Variants in GUSB observed in about 807,000 individuals in gnomAD.
GUSB encodes beta-glucuronidase.
A neutral mutation model predicts 74.6 loss-of-function variants in GUSB; 51 were observed. That is an observed-to-expected ratio of 0.68 (90% CI 0.55 to 0.86). The LOEUF (loss-of-function observed/expected upper bound fraction) is 0.86. Ranked by LOEUF, GUSB falls within the 40% of genes least tolerant of loss-of-function variation. The pLI, the probability that GUSB is intolerant of heterozygous loss-of-function variation, is 0.00. For missense variants in GUSB, 736 were observed against 853.7 expected (o/e 0.86, Z 1.72); for synonymous variants, 360 against 348.3 (o/e 1.03, Z -0.37).
intron 5 of GUSB, 123 bp from the exon 6 acceptor site, chr7:65,975,194 C>T: frequency 1.2e-6 from 1 of 835,742 alleles, no homozygotes; most frequent in Non-Finnish European, 2.0e-6. Flanking sequence ...AGCAGAGATG[C>T]AGCAATCAGA....
intron 4 of GUSB, among the ~76,000 whole-genome samples, chr7:65,978,497 G>A (rs970954940): frequency 2.0e-5 from 3 of 151,840 alleles, no homozygotes; most frequent in Non-Finnish European, 4.4e-5. Context: ...GCTGGGCACA[G>A]TGGCTCACGC....
chr7:65,961,010 GT>G lies in GUSB; in HGVS notation c.1842del (p.Gln614HisfsTer26). 3 of 1,612,792 alleles carry G rather than the reference GT, an allele frequency of 1.9e-6. No homozygotes were observed. Among genetic ancestry groups the G allele is most frequent in the Non-Finnish European group, 2.5e-6 (3 of 1,179,692 alleles). The stretch of plus-strand genomic sequence containing the variant: ...CGCAAAAGGAACGCTGCACTTTTTG[GT>G]TGTCTCTGCCGAGTGAAGATCCCCT... ...NKKGIFTRQR[Q>X]PKSAAFLLRE... On this transcript the variant is annotated frameshift_variant, in exon 12 of 12. Transcript: ENST00000304895. LOFTEE classifies it low-confidence loss of function (END_TRUNC).
intron 8 of GUSB, 104 bp downstream of exon 8, chr7:65,974,191 G>C: frequency 9.2e-7 from 1 of 1,081,654 alleles, no homozygotes; most frequent in East Asian, 2.4e-5. Flanking sequence ...CCTTCCCATT[G>C]GGCTGGACAC....
chr7:65,973,571 G>A (rs900025873), intron 8 of GUSB, among the ~76,000 whole-genome samples: 4 of 151,782 alleles, frequency 2.6e-5, no homozygotes, highest in Admixed American at 2.6e-4. Flanking sequence ...TGGCCACGGA[G>A]TGAGACTCCA....
rs150086524 is a variant in GUSB, at chr7:65,976,167, T to G, written c.760A>C (p.Asn254His). Reference sequence around the variant, plus strand: ...AGACGCACTTCCAACTTGAACAGGTTACTGCCCTTGACAGAGATCTGGTAA... The same window carrying G: ...AGACGCACTTCCAACTTGAACAGGTGACTGCCCTTGACAGAGATCTGGTAA... ...VNYQISVKGS[N>H]LFKLEVRLLD... Residue 254 changes from asparagine (N) to histidine (H), a missense_variant, in exon 5 of 12, where the codon AAC becomes CAC. Asn to His is a moderately conservative substitution (Grantham distance 68). Around this residue, in one of 2 missense-constraint regions of GUSB, gnomAD observed 368 missense variants for 363.8 expected, o/e 1.01. Transcript: ENST00000304895. 3.9e-5 allele frequency: 63 copies of G among 1,613,364 alleles called. No homozygotes were observed. The Middle Eastern group carries it at 6.6e-4, about 17-fold the overall frequency.
intron 1 of GUSB, among the ~76,000 whole-genome samples, chr7:65,981,631 G>A (rs1245987204): frequency 6.6e-6 from 1 of 151,756 alleles, no homozygotes. Context: ...TTAGGCTGGC[G>A]CCACTCCGCC....
intron 10 of GUSB, among the ~76,000 whole-genome samples, chr7:65,966,490 T>TA (rs992439816): frequency 2.6e-5 from 4 of 151,078 alleles, no homozygotes; most frequent in African/African-American, 9.7e-5. Context: ...AAAAATGAGA[T>TA]AGATTAAAAA....
rs772122474 is a variant in GUSB, at chr7:65,961,000, G to C, written c.1853C>G (p.Ala618Gly). The change falls in exon 12 of 12, where the codon GCA (alanine) becomes GGA (glycine). Residue 618 changes from alanine (A) to glycine (G), a missense_variant. Transcript: ENST00000304895. ...IFTRQRQPKS[A>G]AFLLRERYWK... ...GTATCTCTCTCGCAAAAGGAACGCT[G>C]CACTTTTTGGTTGTCTCTGCCGAGT... The C allele has an allele frequency of 6.2e-7, 1 of 1,613,230 alleles. No homozygotes were observed. Among genetic ancestry groups the C allele is most frequent in the South Asian group, 1.1e-5 (1 of 91,056 alleles).
chr7:65,977,684 C>A (rs1236735824), intron 4 of GUSB, among the ~76,000 whole-genome samples: 1 of 151,898 alleles, frequency 6.6e-6, no homozygotes, highest in African/African-American at 2.4e-5. Flanking sequence ...GCCACCACAC[C>A]CAGCCTAAAT....
At position 65,980,170 on chromosome 7, in the gene GUSB, C is replaced by T. The variant is rs572387740; in HGVS notation, c.396+54G>A. On this transcript the variant is annotated intron_variant, in intron 2 of 11. Coordinates refer to ENST00000304895, the MANE Select transcript of GUSB (RefSeq NM_000181.4). ...GTGGGTGGCAGCTGGAGGTCCCATG[C>T]TGTTCAGCAGCCGTGCCCCCCCACC... 33 of 1,455,644 alleles carry T rather than the reference C, an allele frequency of 2.3e-5. No individual in the cohort carries two copies. The East Asian group carries it at 8.1e-4, about 36-fold the overall frequency. 90.2% of individuals were successfully genotyped at this position (1,455,644 alleles called of 1,614,324 possible). A position where few individuals can be genotyped will look rare whatever the true frequency, so the allele number is the denominator to read the frequency against.
At chr7:65,968,402 C>T (rs527892449) in intron 9 of GUSB, among the ~76,000 whole-genome samples, 10 of 152,258 alleles carry the variant, frequency 6.6e-5, no homozygotes, top group Admixed American at 5.2e-4. Context: ...TCATGACGTG[C>T]GCCGCTGGGA....
At chr7:65,962,740 C>T (rs1055151581) in intron 11 of GUSB, among the ~76,000 whole-genome samples, 29 of 151,750 alleles carry the variant, frequency 1.9e-4, no homozygotes, top group African/African-American at 3.9e-4. Flanking sequence ...GGTGTGGTGG[C>T]GCATGCCTGC....
At chr7:65,979,291 A>G (rs1429348057) in intron 4 of GUSB, 108 bp downstream of exon 4, 10 of 1,069,714 alleles carry the variant, frequency 9.3e-6, no homozygotes, top group Non-Finnish European at 1.5e-5. Flanking sequence ...GGAATCTGTG[A>G]GGGTGTAGAG....
chr7:65,974,247 C>T (rs1393242124), intron 8 of GUSB, 48 bp downstream of exon 8: 3 of 1,604,482 alleles, frequency 1.9e-6, no homozygotes, highest in Non-Finnish European at 2.6e-6. Flanking sequence ...CAGCCACCTG[C>T]CAGGGTCTCC....
intron 4 of GUSB, among the ~76,000 whole-genome samples, chr7:65,978,830 T>A (rs1175818637): frequency 6.6e-6 from 1 of 151,298 alleles, no homozygotes; most frequent in African/African-American, 2.4e-5. Context: ...CAGACCAGAG[T>A]GCAGTGGTGT....
rs761874655 is a variant in GUSB at position 65,964,472 on chromosome 7, C to T, written c.1654-14G>A. 2 of 1,610,018 alleles carry T rather than the reference C, an allele frequency of 1.2e-6. No homozygotes were observed. The highest frequency in any genetic ancestry group is 1.1e-5 in the South Asian group (1 of 90,936). On this transcript the variant is annotated splice_polypyrimidine_tract_variant and intron_variant, in intron 10 of 11. Coordinates refer to ENST00000304895, the MANE Select transcript of GUSB (RefSeq NM_000181.4). ...CAGAGGTGGATCCTAGGATTCAAGG[C>T]AAAGAGAATGTAAGAGTCAGAACTG...
Position 65,974,549 on chromosome 7 carries a change from A to G in GUSB, c.1221T>C (p.Cys407=). The change falls in exon 7 of 12, where the codon TGT becomes TGC. Residue 407 remains cysteine, a synonymous_variant. Transcript: ENST00000304895. ...ACGGCAGCGCCAGGCCCACGCCGGGACACTCATCGATGACCACAATCCCAT... is the reference window on the plus strand; with the variant it reads ...ACGGCAGCGCCAGGCCCACGCCGGGGCACTCATCGATGACCACAATCCCAT... ...DRYGIVVIDE[C]PGVGLALPQF... is the part of the protein sequence containing the mutation. 1.2e-6 allele frequency: 2 copies of G among 1,614,210 alleles called. No homozygotes were observed. Among genetic ancestry groups the G allele is most frequent in the Non-Finnish European group, 1.7e-6 (2 of 1,180,054 alleles).
Position 65,980,419 on chromosome 7 carries a change from G to C in GUSB, c.211-10C>G. On this transcript the variant is annotated splice_polypyrimidine_tract_variant and intron_variant, in intron 1 of 11. Transcript: ENST00000304895. ...CCACGGTGGGGCCTGACTGTGGAGA[G>C]AAGAGCCGGGCTCAGCTCCTAGGCC... 6.2e-7 allele frequency: 1 copy of C among 1,611,566 alleles called. No homozygotes were observed. The highest frequency in any genetic ancestry group is 2.2e-5 in the East Asian group (1 of 44,750).
intron 10 of GUSB, among the ~76,000 whole-genome samples, chr7:65,967,510 G>C (rs1790913991): frequency 6.6e-6 from 1 of 152,128 alleles, no homozygotes; most frequent in Non-Finnish European, 1.5e-5. Flanking sequence ...GTGATAGGAG[G>C]CTATCTGGAA....
Sources: gnomAD v4.1 joint callset for allele counts (sites outside exome capture counted in the v4.1 genomes callset) on GRCh38, gnomAD v4.1.1 for gene constraint, gnomAD v4.1.1 regional missense constraint, MANE v1.5 for transcripts, NCBI Gene and HGNC (gene_info 2026-07-23, HGNC 2026-07-21) for gene names.